Variants in PCDHGA7 observed in about 807,000 individuals in gnomAD.
PCDHGA7 encodes the protein protocadherin gamma-A7.
Under a neutral mutation model 58.3 loss-of-function variants are expected in PCDHGA7, and 44 were observed. The ratio of observed to expected loss-of-function variants is 0.75; its 90% CI spans 0.59 to 0.97. The LOEUF (loss-of-function observed/expected upper bound fraction) is 0.97. PCDHGA7 is among the 50% of genes least tolerant of loss of function. The probability of loss-of-function intolerance (pLI) is 0.00; values close to 1 mark genes in which losing one functional copy is unlikely to be tolerated. For synonymous variants in PCDHGA7, 516 were observed against 504.2 expected (o/e 1.02, Z -0.31); for missense variants, 1,266 against 1,188.7 (o/e 1.06, Z -0.96).
At position 141,477,483 on chromosome 5, in the gene PCDHGA7, A is replaced by T; in HGVS notation, c.2425-17324A>T. ...TCCGACATCAATGACAACCCTCCAC[A>T]ATCTTCTCAATCTTCCTACGACGTT... On this transcript the variant is annotated intron_variant, in intron 1 of 3. Coordinates refer to ENST00000518325, the MANE Select transcript of PCDHGA7 (RefSeq NM_018920.4). The surrounding 1 kb of genome is among the most constrained non-coding windows in gnomAD (Gnocchi z 4.9). 1 of 1,614,028 alleles carries T rather than the reference A, an allele frequency of 6.2e-7. No homozygotes were observed.
At chr5:141,450,831 T>TATA (rs761717068) in intron 1 of PCDHGA7, among the ~76,000 whole-genome samples, 3 of 144,648 alleles carry the variant, frequency 2.1e-5, no homozygotes, top group Non-Finnish European at 4.5e-5. Flanking sequence ...TTATTATTAT[T>TATA]TTTTTTTTTT....
At position 141,489,063 on chromosome 5, in the gene PCDHGA7, C is replaced by A; in HGVS notation, c.2425-5744C>A. ...CTCCACTCAAATTCAGCTCCCCTCC[C>A]CCCTGCCCACCCCCGCCACTCGGTG... On this transcript the variant is annotated intron_variant, in intron 1 of 3. Coordinates refer to ENST00000518325, the MANE Select transcript of PCDHGA7 (RefSeq NM_018920.4). This position sits in a 1 kb window ranked among gnomAD's most constrained non-coding sequence, Gnocchi z 4.5. 2.6e-6 allele frequency: 1 copy of A among 384,986 alleles called. No individual in the cohort carries two copies. Among genetic ancestry groups the A allele is most frequent in the East Asian group, 4.5e-5 (1 of 22,374 alleles). 23.8% of individuals were successfully genotyped at this position (384,986 alleles called of 1,614,324 possible). A position where few individuals can be genotyped will look rare whatever the true frequency, so the allele number is the denominator to read the frequency against.
At chr5:141,414,225 G>A in intron 1 of PCDHGA7, 1 of 1,613,398 alleles carries the variant, frequency 6.2e-7, no homozygotes, top group Non-Finnish European at 8.5e-7. Context: ...ACAGTCCAGA[G>A]CTGACCATCA....
At position 141,399,158 on chromosome 5, in the gene PCDHGA7, C is replaced by T. The variant is rs575806440; in HGVS notation, c.2424+13835C>T. 17 of 1,613,790 alleles carry T rather than the reference C, an allele frequency of 1.1e-5. No homozygotes were observed. The East Asian group carries it at 2.9e-4, about 27-fold the overall frequency. On this transcript the variant is annotated intron_variant, in intron 1 of 3. Transcript: ENST00000518325. The stretch of plus-strand genomic sequence containing the variant: ...GAAAATGACAATAGCCCAGAAGTTA[C>T]ATTCCATTCTCTACTTGAAATGATT...
chr5:141,392,659 A>T, intron 1 of PCDHGA7: 2 of 788,300 alleles, frequency 2.5e-6, no homozygotes, highest in Non-Finnish European at 3.8e-6. Flanking sequence ...CGCAGATGCC[A>T]CAAACTAACT....
At chr5:141,403,559 G>C (rs1281537625) in intron 1 of PCDHGA7, 1 of 1,613,974 alleles carries the variant, frequency 6.2e-7, no homozygotes. Flanking sequence ...CCTGGACAGG[G>C]AGGAGGCAAC....
intron 1 of PCDHGA7, among the ~76,000 whole-genome samples, chr5:141,444,257 C>T (rs376980362): frequency 1.2e-4 from 18 of 147,512 alleles, no homozygotes; most frequent in East Asian, 6.0e-4. Context: ...CTGCAACCTC[C>T]GCCTCCCAGG....
Position 141,383,633 on chromosome 5 carries a change from C to T in PCDHGA7, c.734C>T (p.Pro245Leu), listed in dbSNP as rs1298423457. ...GACCACACGCCTGTCTTCTCTCTGC[C>T]TCAGTACCAAGTAACTGTCCCCGAG... ...VNDHTPVFSL[P>L]QYQVTVPENV... Residue 245 changes from proline to leucine, a missense_variant, in exon 1 of 4, where the codon CCT becomes CTT. By Grantham distance (98) the Pro-to-Leu change is moderately conservative (BLOSUM62 -3). Coordinates refer to ENST00000518325, the MANE Select transcript of PCDHGA7 (RefSeq NM_018920.4). 6.2e-7 allele frequency: 1 copy of T among 1,613,966 alleles called. No individual in the cohort carries two copies.
At chr5:141,409,324 G>C (rs759596277) in intron 1 of PCDHGA7, 1 of 1,614,000 alleles carries the variant, frequency 6.2e-7, no homozygotes, top group East Asian at 2.2e-5. Context: ...CACGGGATCT[G>C]GATTTCGGAG....
rs532631149 is a variant in PCDHGA7, at chr5:141,506,489, C to A, written c.2572+1008C>A. On this transcript the variant is annotated intron_variant, in intron 3 of 3. Transcript: ENST00000518325. ...AAGAGCACAGGCTTTAGAGGCAGGC[C>A]AATCTGGATTCAAATCCTGGCACCT... 1.9e-4 allele frequency among the ~76,000 whole-genome samples: 29 copies of A among 150,750 alleles called. 1 individual carries two copies. In the South Asian group the frequency reaches 5.9e-3, roughly 31 times the overall value.
At chr5:141,442,472 C>A (rs1032989256) in intron 1 of PCDHGA7, 4 of 152,204 alleles carry the variant, frequency 2.6e-5, no homozygotes, top group African/African-American at 9.7e-5. Flanking sequence ...GCAGAAAGCC[C>A]CTTGGGGAAG....
intron 1 of PCDHGA7, chr5:141,398,904 C>A (rs1487711986): frequency 3.1e-6 from 5 of 1,613,930 alleles, no homozygotes; most frequent in Non-Finnish European, 3.4e-6. Context: ...CACCAGGCAC[C>A]ACTGTGTTGC....
rs372648693 is a variant in PCDHGA7, at chr5:141,417,997, G to A, written c.2424+32674G>A. 244 of 1,613,872 alleles carry A rather than the reference G, an allele frequency of 1.5e-4. No homozygotes were observed. The Middle Eastern group carries it at 3.5e-3, about 23-fold the overall frequency. On this transcript the variant is annotated intron_variant, in intron 1 of 3. Transcript: ENST00000518325. ...CGGAGGAGCTGGCCAAGGGCTCGGT[G>A]GTGGGGAACCTCGCTAAGGATCTAG...
chr5:141,383,837 C>G lies in PCDHGA7; in HGVS notation c.938C>G (p.Ala313Gly). 1 of 1,613,886 alleles carries G rather than the reference C, an allele frequency of 6.2e-7. No individual in the cohort carries two copies. The highest frequency in any genetic ancestry group is 8.5e-7 in the Non-Finnish European group (1 of 1,179,814). ...TLEGLDYEET[A>G]FYEMEVQAQD... ...GAAGGATTAGATTATGAAGAAACTGCCTTCTATGAAATGGAGGTTCAGGCT... is the reference window on the plus strand; with the variant it reads ...GAAGGATTAGATTATGAAGAAACTGGCTTCTATGAAATGGAGGTTCAGGCT... The change falls in exon 1 of 4, where the codon GCC (alanine) becomes GGC (glycine). Residue 313 changes from alanine to glycine, a missense_variant. Coordinates refer to ENST00000518325, the MANE Select transcript of PCDHGA7 (RefSeq NM_018920.4).
At chr5:141,390,515 C>T (rs1325813784) in intron 1 of PCDHGA7, 1 of 575,082 alleles carries the variant, frequency 1.7e-6, no homozygotes, top group Middle Eastern at 4.7e-4. Flanking sequence ...ATTTATAAAG[C>T]AATGAGGGTG....
intron 1 of PCDHGA7, chr5:141,409,008 A>G (rs2095209237): frequency 6.2e-7 from 1 of 1,613,898 alleles, no homozygotes; most frequent in African/African-American, 1.3e-5. Context: ...GCCACTGACC[A>G]GGATGAGGGG....
chr5:141,468,853 G>A (rs893773356), intron 1 of PCDHGA7, among the ~76,000 whole-genome samples: 7 of 151,000 alleles, frequency 4.6e-5, no homozygotes, highest in Admixed American at 6.6e-5. Context: ...GCAACAGAGC[G>A]AGACTCCATC....
chr5:141,408,443 A>G (rs1486863170), intron 1 of PCDHGA7: 1 of 1,613,956 alleles, frequency 6.2e-7, no homozygotes, highest in Non-Finnish European at 8.5e-7. Flanking sequence ...AGACGCGGAG[A>G]GCGGGGACTT....
At chr5:141,500,045 T>C (rs2099796072) in intron 2 of PCDHGA7, among the ~76,000 whole-genome samples, 1 of 152,062 alleles carries the variant, frequency 6.6e-6, no homozygotes, top group South Asian at 2.1e-4. Flanking sequence ...CTTAAGTATC[T>C]TAATGCTCTT....
Sources: allele counts gnomAD v4.1 joint callset (sites outside exome capture counted in the v4.1 genomes callset), GRCh38; gene constraint gnomAD v4.1.1; non-coding constraint Gnocchi (gnomAD v3.1); transcripts MANE v1.5; gene names NCBI Gene and HGNC (gene_info 2026-07-23, HGNC 2026-07-21).